Variants in FOXP3 observed in about 807,000 individuals in gnomAD.
FOXP3 encodes the protein forkhead box P3, also known as forkhead box protein P3.
FOXP3 carries 5 observed loss-of-function variants against 31.2 expected under a neutral mutation model. The observed-to-expected ratio is 0.16, with a 90% CI of 0.08 to 0.34. The LOEUF (loss-of-function observed/expected upper bound fraction) is 0.34, where lower values mean the gene tolerates loss of function less well. FOXP3 is among the 10% of genes least tolerant of loss of function. The probability of loss-of-function intolerance (pLI) is 1.00; values close to 1 mark genes in which losing one functional copy is unlikely to be tolerated. For synonymous variants in FOXP3, 141 were observed against 148.8 expected (o/e 0.95, Z 0.38); for missense variants, 251 against 363.0 (o/e 0.69, Z 2.51).
intron 7 of FOXP3, 91 bp downstream of exon 7, chrX:49,255,624 T>C: frequency 9.0e-7 from 1 of 1,105,668 alleles, no homozygotes; most frequent in Non-Finnish European, 1.2e-6. Context: ...ATACCAGCCC[T>C]CGTCCCAGGT....
At chrX:49,253,838 A>T in intron 9 of FOXP3, 79 bp downstream of exon 9, 1 of 1,136,359 alleles carries the variant, frequency 8.8e-7, no homozygotes, top group Non-Finnish European at 1.2e-6. Flanking sequence ...GGCAGCATGG[A>T]GCTCCTTTGC....
intron 1 of FOXP3, among the ~76,000 whole-genome samples, chrX:49,261,117 C>T (rs1290326628): frequency 8.9e-6 from 1 of 112,698 alleles, no homozygotes; most frequent in Admixed American, 9.3e-5. Context: ...ACCTCAGAAT[C>T]ATAGAACAGC....
At position 49,258,463 on chromosome X, in the gene FOXP3, C is replaced by T. The variant is rs1557116756; in HGVS notation, c.43G>A (p.Ala15Thr). 2 of 1,187,933 alleles carry T rather than the reference C, an allele frequency of 1.7e-6. No homozygotes were observed. The highest frequency in any genetic ancestry group is 3.5e-5 in the African/African-American group (2 of 57,568). ...GAGGCTCCTGGGGATGGGCCAAGGG[C>T]CAAGGAAGGGGCCGAGGGCTTGCCA... ...RPGKPSAPSL[A>T]LGPSPGASPS... The change falls in exon 2 of 12, where the codon GCC (alanine) becomes ACC (threonine). Residue 15 changes from alanine to threonine, a missense_variant. Physicochemically the swap from Ala to Thr is moderately conservative, Grantham distance 58. Around this residue, in one of 4 missense-constraint regions of FOXP3, gnomAD observed 152 missense variants for 188.1 expected, o/e 0.81. Coordinates refer to ENST00000376207, the MANE Select transcript of FOXP3 (RefSeq NM_014009.4).
rs138019743 is a variant in FOXP3, at chrX:49,257,012, C to T, written c.455G>A (p.Gly152Glu). 1 of 1,203,298 alleles carries T rather than the reference C, an allele frequency of 8.3e-7. No homozygotes were observed. Among genetic ancestry groups the T allele is most frequent in the African/African-American group, 1.8e-5 (1 of 57,062 alleles). The change falls in exon 5 of 12, where the codon GGG becomes GAG. Residue 152 changes from glycine (G) to glutamate (E), a missense_variant and splice_region_variant. Coordinates refer to ENST00000376207, the MANE Select transcript of FOXP3 (RefSeq NM_014009.4). ...CCATTCCAGGCTGGCCACGTTGATC[C>T]CTGTGGGTGGGGACAGGGCACCTAT... The part of the protein sequence containing the change: ...SLKARPGLPP[G>E]INVASLEWVS...
Position 49,255,658 on chromosome X carries a change from G to A in FOXP3, c.735+57C>T. ...GTGAACTTGGTTTCTGGCACATGGT[G>A]GACAGAAGGTTTTGCGCACTATCCC... On this transcript the variant is annotated intron_variant, in intron 7 of 11. Transcript: ENST00000376207. 12 of 1,146,751 alleles carry A rather than the reference G, an allele frequency of 1.0e-5. No individual in the cohort carries two copies. In the South Asian group the frequency reaches 2.1e-4, roughly 20 times the overall value. 94.5% of individuals were successfully genotyped at this position (1,146,751 alleles called of 1,213,427 possible). A position where few individuals can be genotyped will look rare whatever the true frequency, so the allele number is the denominator to read the frequency against.
rs140794570 is a variant in FOXP3, at chrX:49,256,764, C to G, written c.634G>C (p.Glu212Gln). Residue 212 changes from glutamate (E) to glutamine (Q), a missense_variant, in exon 6 of 12, where the codon GAG becomes CAG. Glu to Gln is a conservative substitution (Grantham distance 29, BLOSUM62 2). This residue lies in a region of FOXP3 where 152 missense variants were observed against 188.1 expected (regional missense o/e 0.81). Coordinates refer to ENST00000376207, the MANE Select transcript of FOXP3 (RefSeq NM_014009.4). ...PGCEKVFEEP[E>Q]DFLKHCQADH... ...TGGGCCACTCACTTGAGGAAGTCCT[C>G]TGGCTCTTCGAAGACCTTCTCACAT... 19 of 1,210,597 alleles carry G rather than the reference C, an allele frequency of 1.6e-5. No homozygotes were observed. The highest frequency in any genetic ancestry group is 2.0e-5 in the Non-Finnish European group (18 of 895,067).
chrX:49,261,585 C>G (rs2066110448), intron 1 of FOXP3, among the ~76,000 whole-genome samples: 1 of 112,843 alleles, frequency 8.9e-6, no homozygotes, highest in Non-Finnish European at 1.9e-5. Context: ...CATCACCACG[C>G]TCTGGCCAAC....
intron 1 of FOXP3, among the ~76,000 whole-genome samples, chrX:49,261,583 C>T (rs899539214): frequency 4.4e-5 from 5 of 112,815 alleles, no homozygotes; most frequent in Admixed American, 2.8e-4. Context: ...ATCATCACCA[C>T]GCTCTGGCCA....
chrX:49,256,903 C>T, intron 5 of FOXP3, 22 bp downstream of exon 5: 1 of 1,206,913 alleles, frequency 8.3e-7, no homozygotes, highest in Non-Finnish European at 1.1e-6. Context: ...GGCGAGGATC[C>T]TTCCCAGCCC....
intron 6 of FOXP3, 140 bp downstream of exon 6, chrX:49,256,611 C>A: frequency 1.9e-6 from 1 of 527,773 alleles, no homozygotes; most frequent in East Asian, 3.6e-5. Context: ...AGGGATGGAG[C>A]TGGGATTTGA....
At chrX:49,253,078 A>C (rs77362352) in intron 10 of FOXP3, 48 bp downstream of exon 10, 7 of 1,119,140 alleles carry the variant, frequency 6.3e-6, no homozygotes, top group Middle Eastern at 2.4e-4. Context: ...CAGGTCCCCC[A>C]CCCCATCTTT....
chrX:49,251,825 A>G (rs782162095), intron 10 of FOXP3, 60 bp from the exon 11 acceptor site: 2 of 1,183,662 alleles, frequency 1.7e-6, no homozygotes, highest in Non-Finnish European at 2.3e-6. Context: ...TAGAGGGGCT[A>G]TGACCTACCC....
chrX:49,257,314 G>A, intron 4 of FOXP3, 113 bp downstream of exon 4: 2 of 998,720 alleles, frequency 2.0e-6, no homozygotes, highest in Non-Finnish European at 1.3e-6. Flanking sequence ...TCTGAGACCT[G>A]ACACCTTTGA....
At position 49,250,699 on chromosome X, in the gene FOXP3, A is replaced by G. The variant is rs1457750155; in HGVS notation, c.*635T>C. The G allele has an allele frequency of 7.6e-6, 2 of 262,020 alleles. No homozygotes were observed. Among genetic ancestry groups the G allele is most frequent in the Non-Finnish European group, 1.4e-5 (2 of 140,528 alleles). The allele number at this position is 262,020 out of a possible 1,213,427, so 21.6% of individuals were successfully genotyped here. A position where few individuals can be genotyped will look rare whatever the true frequency, so the allele number is the denominator to read the frequency against. On this transcript the variant is annotated 3_prime_UTR_variant, in exon 12 of 12. Transcript: ENST00000376207. ...GTGAGATACACAGGTGAATTCTAAC[A>G]GGCCGTGTGTGTGAGCGAGCACGTG...
At chrX:49,256,214 G>GAGAGAA (rs1222019179) in intron 6 of FOXP3, among the ~76,000 whole-genome samples, 146 of 64,912 alleles carry the variant, frequency 2.2e-3, no homozygotes, top group Admixed American at 0.017. Context: ...GTGTGAGAGA[G>GAGAGAA]AGAGAAAGAG....
intron 8 of FOXP3, 40 bp from the exon 9 acceptor site, chrX:49,254,107 C>G: frequency 1.7e-6 from 2 of 1,182,635 alleles, no homozygotes; most frequent in Non-Finnish European, 2.3e-6. Flanking sequence ...GAGGCTTAAA[C>G]TTCCCACTTT....
chrX:49,258,385 G>T lies in FOXP3; in HGVS notation c.121C>A (p.Pro41Thr). The T allele has an allele frequency of 8.6e-7, 1 of 1,169,143 alleles. No individual in the cohort carries two copies. The highest frequency in any genetic ancestry group is 1.1e-6 in the Non-Finnish European group (1 of 873,072). The change falls in exon 2 of 12, where the codon CCA becomes ACA. Residue 41 changes from proline (P) to threonine (T), a missense_variant. By Grantham distance (38) the Pro-to-Thr change is conservative. Coordinates refer to ENST00000376207, the MANE Select transcript of FOXP3 (RefSeq NM_014009.4). ...KASDLLGARG[P>T]GGTFQGRDLR... ...TCTCGGCCCTGGAAGGTTCCCCCTG[G>T]GCCCCGGGCCCCCAGCAGGTCTGAG... is the stretch of plus-strand genomic sequence containing the variant.
chrX:49,257,545 G>A lies in FOXP3; in HGVS notation c.336C>T (p.His112=), dbSNP rs143632471. Residue 112 remains histidine, a synonymous_variant, in exon 4 of 12, where the codon CAC becomes CAT. Transcript: ENST00000376207. ...GCACCTGCAGCACAGGGGTCCGGGC[G>A]TGGGCATCCACCGTTGAGAGCTGGG... is the stretch of plus-strand genomic sequence containing the variant. ...FMHQLSTVDA[H]ARTPVLQVHP... 377 of 1,182,183 alleles carry A rather than the reference G, an allele frequency of 3.2e-4. No homozygotes were observed. The highest frequency in any genetic ancestry group is 4.0e-4 in the Non-Finnish European group (352 of 877,285).
In FOXP3 at chrX:49,257,489, A is replaced by C. The variant is rs782604073; in HGVS notation, c.392T>G (p.Leu131Arg). 8.6e-7 allele frequency: 1 copy of C among 1,156,275 alleles called. No individual in the cohort carries two copies. The highest frequency in any genetic ancestry group is 1.2e-6 in the Non-Finnish European group (1 of 865,561). ...CCCAGTGGCGGTGGTGGGTGGTGTG[A>C]GGCTGATCATGGCTGGGCTCTCCAG... ...HPLESPAMIS[L>R]TPPTTATGVF... Residue 131 changes from leucine (L) to arginine (R), a missense_variant, in exon 4 of 12, where the codon CTC becomes CGC. Physicochemically the swap from Leu to Arg is moderately radical, Grantham distance 102. Around this residue, in one of 4 missense-constraint regions of FOXP3, gnomAD observed 152 missense variants for 188.1 expected, o/e 0.81. Transcript: ENST00000376207.
Sources: allele counts gnomAD v4.1 joint callset (sites outside exome capture counted in the v4.1 genomes callset), GRCh38; gene constraint gnomAD v4.1.1; regional missense constraint gnomAD v4.1.1; transcripts MANE v1.5; gene names NCBI Gene and HGNC (gene_info 2026-07-23, HGNC 2026-07-21).